STXBP4: variants seen among roughly 807,000 people sequenced by gnomAD.
STXBP4 encodes the protein syntaxin binding protein 4, also known as syntaxin-binding protein 4.
In STXBP4, 55 loss-of-function variants were observed where a neutral mutation model predicts 76.1. The ratio of observed to expected loss-of-function variants is 0.72; its 90% CI spans 0.58 to 0.91. The LOEUF (loss-of-function observed/expected upper bound fraction) is 0.91. Among genes scored for constraint, STXBP4 ranks in the 40% least tolerant of loss-of-function variants. The probability of loss-of-function intolerance (pLI) is 0.00; values close to 1 mark genes in which losing one functional copy is unlikely to be tolerated. For synonymous variants in STXBP4, 201 were observed against 220.2 expected, an observed-to-expected ratio of 0.91 and a Z score of 0.77; for missense variants, 618 against 636.9, an observed-to-expected ratio of 0.97 and a Z score of 0.32.
intron 16 of STXBP4, among the ~76,000 whole-genome samples, chr17:55,085,083 T>C (rs1163361102): frequency 6.6e-6 from 1 of 152,106 alleles, no homozygotes; most frequent in East Asian, 1.9e-4. Context: ...TTGGAAATCA[T>C]CATTCTCAGT....
At chr17:55,052,178 C>G (rs999316561) in intron 12 of STXBP4, among the ~76,000 whole-genome samples, 2 of 152,026 alleles carry the variant, frequency 1.3e-5, no homozygotes, top group Non-Finnish European at 2.9e-5. Flanking sequence ...CCAGGCTACT[C>G]AGAGAAATGA....
At chr17:55,189,585 A>G in the STXBP4 span, among the ~76,000 whole-genome samples, 1 of 152,196 alleles carries the variant, frequency 6.6e-6, no homozygotes, top group South Asian at 2.1e-4. Flanking sequence ...CGTGCCCCAG[A>G]TGGAAGGAGA....
intron 12 of STXBP4, among the ~76,000 whole-genome samples, chr17:55,068,073 T>C (rs2079075100): frequency 1.3e-5 from 2 of 152,168 alleles, no homozygotes; most frequent in Admixed American, 6.5e-5. Flanking sequence ...GTATATTATA[T>C]ATATTTTAAC....
At chr17:55,187,093 G>C in the STXBP4 span, among the ~76,000 whole-genome samples, 1 of 152,326 alleles carries the variant, frequency 6.6e-6, no homozygotes, top group East Asian at 1.9e-4. Context: ...ATCTGTTCCA[G>C]GCGTCTGCTG....
At chr17:55,029,095 G>A (rs572692007) in intron 8 of STXBP4, among the ~76,000 whole-genome samples, 1 of 151,804 alleles carries the variant, frequency 6.6e-6, no homozygotes, top group African/African-American at 2.4e-5. Flanking sequence ...CTGTTAATCA[G>A]GGAATGGATA....
the STXBP4 span, among the ~76,000 whole-genome samples, chr17:55,193,318 C>T: frequency 6.6e-6 from 1 of 152,074 alleles, no homozygotes; most frequent in Non-Finnish European, 1.5e-5. Context: ...GCAAGGGAAT[C>T]AAATTAAAGG....
rs900534397 is a variant in STXBP4 at position 55,001,196 on chromosome 17, T to C, written c.574+313T>C. On this transcript the variant is annotated intron_variant, in intron 7 of 17. Coordinates refer to ENST00000376352, the MANE Select transcript of STXBP4 (RefSeq NM_178509.6). ...TATAAAGATCAAGATTAGGTTGCCA[T>C]GTCCTTTTAGTGCAATACTGATGAG... 3.3e-5 allele frequency among the ~76,000 whole-genome samples: 5 copies of C among 152,306 alleles called. No individual in the cohort carries two copies. In the South Asian group the frequency reaches 6.2e-4, roughly 19 times the overall value.
Position 55,168,331 on chromosome 17 carries a change from G to A in STXBP4, c.*8420G>A, listed in dbSNP as rs2080388599. 1 of 151,928 alleles carries A rather than the reference G, an allele frequency of 6.6e-6. No individual in the cohort carries two copies. The highest frequency in any genetic ancestry group is 6.6e-5 in the Admixed American group (1 of 15,256). 9.4% of individuals were successfully genotyped at this position (151,928 alleles called of 1,614,324 possible). ...AATTTCAAAAATATGACCAAATACT[G>A]GTGGTTCCTCATTTACCAGTAGAAC... On this transcript the variant is annotated 3_prime_UTR_variant, in exon 18 of 18. Transcript: ENST00000376352.
intron 12 of STXBP4, among the ~76,000 whole-genome samples, chr17:55,062,750 T>C (rs1239929536): frequency 1.3e-5 from 2 of 152,188 alleles, no homozygotes; most frequent in African/African-American, 4.8e-5. Context: ...CCACATCCTC[T>C]CCAGCATCTG....
At chr17:55,106,225 T>C (rs1185889037) in intron 16 of STXBP4, among the ~76,000 whole-genome samples, 1 of 152,164 alleles carries the variant, frequency 6.6e-6, no homozygotes, top group African/African-American at 2.4e-5. Context: ...CTTCTTTGTC[T>C]TTTTTGATAT....
chr17:55,097,464 C>A (rs935206063), intron 16 of STXBP4, among the ~76,000 whole-genome samples: 1 of 152,098 alleles, frequency 6.6e-6, no homozygotes, highest in African/African-American at 2.4e-5. Flanking sequence ...GAGATCGAGA[C>A]CATCCTGGCT....
At chr17:55,198,081 T>C in the STXBP4 span, among the ~76,000 whole-genome samples, 4 of 152,238 alleles carry the variant, frequency 2.6e-5, no homozygotes, top group African/African-American at 9.6e-5. Context: ...AAATACCCTC[T>C]AGAGGTTTCT....
At chr17:55,057,295 AATAAC>A (rs1334626796) in intron 12 of STXBP4, among the ~76,000 whole-genome samples, 1 of 152,352 alleles carries the variant, frequency 6.6e-6, no homozygotes, top group East Asian at 1.9e-4. Context: ...AGTATTGGCA[AATAAC>A]ATAGCATCAG....
At chr17:55,050,678 T>G (rs1167620957) in intron 12 of STXBP4, among the ~76,000 whole-genome samples, 1 of 152,164 alleles carries the variant, frequency 6.6e-6, no homozygotes, top group Non-Finnish European at 1.5e-5. Flanking sequence ...TTTGTTTGTT[T>G]GTTTTTGTTT....
the STXBP4 span, among the ~76,000 whole-genome samples, chr17:55,198,730 C>T: frequency 5.9e-5 from 9 of 152,174 alleles, no homozygotes; most frequent in East Asian, 1.9e-4. Flanking sequence ...CTTTTCTCAA[C>T]GTACAGAATT....
At chr17:55,110,782 T>G (rs1167958314) in intron 16 of STXBP4, among the ~76,000 whole-genome samples, 4 of 152,226 alleles carry the variant, frequency 2.6e-5, no homozygotes, top group Non-Finnish European at 4.4e-5. Context: ...CCCATGGCTA[T>G]AGTTTTTTCA....
At chr17:55,024,398 G>T (rs1325937065) in intron 8 of STXBP4, among the ~76,000 whole-genome samples, 1 of 152,174 alleles carries the variant, frequency 6.6e-6, no homozygotes, top group East Asian at 1.9e-4. Context: ...ACTTTCCCAT[G>T]TTCTTTAATA....
At chr17:54,972,691 T>C (rs1039185233) in intron 1 of STXBP4, among the ~76,000 whole-genome samples, 3 of 152,200 alleles carry the variant, frequency 2.0e-5, no homozygotes, top group South Asian at 4.1e-4. Context: ...GTTTCTTTAG[T>C]GGAAAGTGGC....
At chr17:55,060,295 T>C (rs1313494183) in intron 12 of STXBP4, among the ~76,000 whole-genome samples, 1 of 152,184 alleles carries the variant, frequency 6.6e-6, no homozygotes, top group Non-Finnish European at 1.5e-5. Flanking sequence ...AGAGTTCCTA[T>C]GCTTTAGTGA....
Sources: gnomAD v4.1 joint callset for allele counts (sites outside exome capture counted in the v4.1 genomes callset) on GRCh38, gnomAD v4.1.1 for gene constraint, MANE v1.5 for transcripts, NCBI Gene and HGNC (gene_info 2026-07-23, HGNC 2026-07-21) for gene names.